The following GRID2 variants were observed in gnomAD, a reference collection of about 807,000 sequenced individuals.
GRID2 encodes glutamate receptor ionotropic, delta-2.
GRID2 carries 33 observed loss-of-function variants against 114.8 expected under a neutral mutation model. The observed-to-expected ratio is 0.29, with a 90% confidence interval of 0.22 to 0.38. The LOEUF is 0.38. Ranked by LOEUF, GRID2 falls within the 10% of genes least tolerant of loss-of-function variation. The pLI is 1.00. For synonymous variants in GRID2, 505 were observed against 449.9 expected, an observed-to-expected ratio of 1.12 and a Z score of -1.55; for missense variants, 1,184 against 1,257.7, an observed-to-expected ratio of 0.94 and a Z score of 0.89.
intron 14 of GRID2, among the ~76,000 whole-genome samples, chr4:93,728,108 C>G (rs1730114866): frequency 6.6e-6 from 1 of 151,950 alleles, no homozygotes; most frequent in Non-Finnish European, 1.5e-5. Context: ...TTCCTGCTTT[C>G]TCTTGTGGGC....
At chr4:93,192,773 AG>A (rs1741114270) in intron 4 of GRID2, among the ~76,000 whole-genome samples, 5 of 146,892 alleles carry the variant, frequency 3.4e-5, no homozygotes, top group Non-Finnish European at 6.0e-5. Flanking sequence ...AAAAAAAAAG[AG>A]ATTTCTGTTG....
intron 8 of GRID2, among the ~76,000 whole-genome samples, chr4:93,391,163 C>A (rs187693264): frequency 7.8e-4 from 119 of 152,290 alleles, no homozygotes; most frequent in African/African-American, 2.5e-3. Flanking sequence ...TTGAACCTAT[C>A]TTGCAGGTGG....
intron 14 of GRID2, among the ~76,000 whole-genome samples, chr4:93,747,592 C>T (rs1731949043): frequency 6.6e-6 from 1 of 152,094 alleles, no homozygotes; most frequent in South Asian, 2.1e-4. Flanking sequence ...AGTAATCACT[C>T]CTTGACTTAG....
At chr4:92,804,011 G>A (rs1578212859) in intron 2 of GRID2, among the ~76,000 whole-genome samples, 1 of 151,766 alleles carries the variant, frequency 6.6e-6, no homozygotes, top group East Asian at 2.0e-4. Context: ...CTTCACAGAG[G>A]CAGAGATTGG....
intron 8 of GRID2, among the ~76,000 whole-genome samples, chr4:93,343,927 T>C (rs1181840370): frequency 6.6e-6 from 1 of 152,142 alleles, no homozygotes; most frequent in Non-Finnish European, 1.5e-5. Context: ...GTTTAGAATA[T>C]AATGGTCTAT....
chr4:92,769,431 T>C (rs1379110466), intron 2 of GRID2, among the ~76,000 whole-genome samples: 1 of 152,188 alleles, frequency 6.6e-6, no homozygotes, highest in Non-Finnish European at 1.5e-5. Context: ...TTTTGGGGTC[T>C]GGAGTATGGT....
rs1300787035 is a variant in GRID2, at chr4:93,524,823, G to GTATATA, written c.2193+9434_2193+9439dup. 7.7e-3 allele frequency among the ~76,000 whole-genome samples: 458 copies of GTATATA among 59,848 alleles called. 7 individuals are homozygous for GTATATA. The highest frequency in any genetic ancestry group is 0.015 in the Admixed American group (66 of 4,380). 39.3% of individuals were successfully genotyped at this position (59,848 alleles called of 152,430 possible). On this transcript the variant is annotated intron_variant, in intron 13 of 15. Transcript: ENST00000282020. ...TATATATATATATATATGTATGTAT[G>GTATATA]TATATATATATATATATATATATAT...
At chr4:93,729,789 A>G (rs1730312667) in intron 14 of GRID2, among the ~76,000 whole-genome samples, 1 of 152,176 alleles carries the variant, frequency 6.6e-6, no homozygotes, top group Non-Finnish European at 1.5e-5. Flanking sequence ...TTTCTGAAAC[A>G]CCAAAGCTAA....
At chr4:93,307,754 A>G (rs917217780) in intron 8 of GRID2, among the ~76,000 whole-genome samples, 3 of 152,206 alleles carry the variant, frequency 2.0e-5, no homozygotes, top group Admixed American at 1.3e-4. Flanking sequence ...TTCATAACTT[A>G]TTATTAACCC....
intron 2 of GRID2, among the ~76,000 whole-genome samples, chr4:92,620,937 TATAATA>T (rs572412806): frequency 3.0e-5 from 4 of 134,290 alleles, no homozygotes; most frequent in East Asian, 2.2e-4. Flanking sequence ...AAACTTAAAG[TATAATA>T]ATAATAATAA....
Position 93,421,026 on chromosome 4 carries a change from ATTTC to A in GRID2, c.1348-1730_1348-1727del, listed in dbSNP as rs1039816728. On this transcript the variant is annotated intron_variant, in intron 9 of 15. Coordinates refer to ENST00000282020, the MANE Select transcript of GRID2 (RefSeq NM_001510.4). ...CTTCGGTCTCCCAAAGTGCTGGGAT[ATTTC>A]TTTCTTTCTTTCTTACATTCTAGAG... Among the ~76,000 whole-genome samples the A allele has an allele frequency of 6.2e-4, 94 of 152,006 alleles. 2 individuals are homozygous for A. The highest frequency in any genetic ancestry group is 3.5e-3 in the South Asian group (17 of 4,828).
At chr4:92,313,129 G>A (rs974487387) in intron 1 of GRID2, among the ~76,000 whole-genome samples, 1 of 150,144 alleles carries the variant, frequency 6.7e-6, no homozygotes, top group Non-Finnish European at 1.5e-5. Context: ...GTGTATATGA[G>A]ATGGAATACT....
intron 13 of GRID2, among the ~76,000 whole-genome samples, chr4:93,617,968 G>T (rs1002624220): frequency 2.0e-5 from 3 of 150,974 alleles, no homozygotes; most frequent in Non-Finnish European, 4.4e-5. Flanking sequence ...CCGTGGTATG[G>T]GTTTGATACT....
intron 12 of GRID2, among the ~76,000 whole-genome samples, chr4:93,508,638 G>T (rs544167837): frequency 6.6e-6 from 1 of 152,288 alleles, no homozygotes; most frequent in South Asian, 2.1e-4. Context: ...TATCCTTCTA[G>T]TGAAGAAGAC....
At chr4:93,696,150 A>G (rs1170856593) in intron 14 of GRID2, among the ~76,000 whole-genome samples, 3 of 152,176 alleles carry the variant, frequency 2.0e-5, no homozygotes, top group Admixed American at 6.5e-5. Flanking sequence ...ATAACCTAAG[A>G]TCTATATACT....
chr4:93,571,835 A>T (rs1019949450), intron 13 of GRID2, among the ~76,000 whole-genome samples: 1 of 152,124 alleles, frequency 6.6e-6, no homozygotes, highest in Non-Finnish European at 1.5e-5. Flanking sequence ...TTGTGATAAT[A>T]TGGAGGCAGA....
intron 5 of GRID2, among the ~76,000 whole-genome samples, 173 bp from the exon 6 acceptor site, chr4:93,216,565 G>T (rs1744239395): frequency 6.6e-6 from 1 of 152,108 alleles, no homozygotes; most frequent in Admixed American, 6.6e-5. Context: ...AACTACAAAT[G>T]AGTTGATAAT....
At chr4:93,341,756 G>A (rs1046571304) in intron 8 of GRID2, among the ~76,000 whole-genome samples, 1 of 152,150 alleles carries the variant, frequency 6.6e-6, no homozygotes, top group South Asian at 2.1e-4. Context: ...GGAGTTGTGG[G>A]ATTTGGGGCA....
chr4:93,539,689 C>G (rs1732460096), intron 13 of GRID2, among the ~76,000 whole-genome samples: 1 of 152,042 alleles, frequency 6.6e-6, no homozygotes, highest in African/African-American at 2.4e-5. Flanking sequence ...ATCCTGCTTG[C>G]ATTTTATTTG....
Sources: allele counts gnomAD v4.1 joint callset (sites outside exome capture counted in the v4.1 genomes callset), GRCh38; gene constraint gnomAD v4.1.1; transcripts MANE v1.5; gene names NCBI Gene and HGNC (gene_info 2026-07-23, HGNC 2026-07-21).